The following TRPC7 variants were observed in gnomAD, a reference collection of about 807,000 sequenced individuals.
TRPC7 encodes short transient receptor potential channel 7.
In TRPC7, 42 loss-of-function variants were observed where a neutral mutation model predicts 90.1. That is an observed-to-expected ratio of 0.47 (90% confidence interval 0.36 to 0.60). The LOEUF (loss-of-function observed/expected upper bound fraction) is 0.60, where lower values mean the gene tolerates loss of function less well. TRPC7 is among the 20% of genes least tolerant of loss of function. TRPC7 has a pLI of 0.00. For synonymous variants in TRPC7, 451 were observed against 436.3 expected (o/e 1.03, Z -0.42); for missense variants, 955 against 1,112.3 (o/e 0.86, Z 2.01).
intron 3 of TRPC7, among the ~76,000 whole-genome samples, chr5:136,313,880 G>A (rs1205431074): frequency 6.6e-6 from 1 of 152,088 alleles, no homozygotes; most frequent in East Asian, 1.9e-4. Context: ...GTTCATGGAG[G>A]GCTTCATTTC....
chr5:136,325,287 G>A lies in TRPC7; in HGVS notation c.781-9508C>T, dbSNP rs572070485. On this transcript the variant is annotated intron_variant, in intron 2 of 11. Coordinates refer to ENST00000513104, the MANE Select transcript of TRPC7 (RefSeq NM_020389.3). ...GGAGGACATGCCTGGAGAGAGCTAA[G>A]AGAGCAGAACAGGTATTGTGCCACT... Among the ~76,000 whole-genome samples, 119 of 152,334 alleles carry A rather than the reference G, an allele frequency of 7.8e-4. 1 individual carries two copies. Among genetic ancestry groups the A allele is most frequent in the Non-Finnish European group, 1.4e-3 (93 of 68,030 alleles).
At chr5:136,358,414 T>G (rs1014690253) in intron 1 of TRPC7, among the ~76,000 whole-genome samples, 1 of 152,210 alleles carries the variant, frequency 6.6e-6, no homozygotes, top group Non-Finnish European at 1.5e-5. Flanking sequence ...TATTAACTTG[T>G]GTAATTCTTG....
At chr5:136,237,843 ACTATGGAGC>A (rs1756031430) in intron 7 of TRPC7, among the ~76,000 whole-genome samples, 1 of 152,254 alleles carries the variant, frequency 6.6e-6, no homozygotes, top group Non-Finnish European at 1.5e-5. Context: ...TGGCTGAAAG[ACTATGGAGC>A]CCTGCAATTA....
intron 5 of TRPC7, among the ~76,000 whole-genome samples, chr5:136,254,855 T>G (rs1756642011): frequency 6.6e-6 from 1 of 152,242 alleles, no homozygotes; most frequent in South Asian, 2.1e-4. Context: ...TTCAGAACAT[T>G]AGAGAATCAT....
chr5:136,332,507 G>A (rs1447546539), intron 2 of TRPC7, among the ~76,000 whole-genome samples: 1 of 152,182 alleles, frequency 6.6e-6, no homozygotes, highest in African/African-American at 2.4e-5. Context: ...GCAAAAGCAG[G>A]AAGAGCAATT....
In TRPC7 at chr5:136,280,331, C is replaced by T. The variant is rs139950680; in HGVS notation, c.964-5494G>A. 2.8e-3 allele frequency among the ~76,000 whole-genome samples: 429 copies of T among 152,272 alleles called. 2 individuals carry two copies. Among genetic ancestry groups the T allele is most frequent in the African/African-American group, 9.3e-3 (388 of 41,556 alleles). On this transcript the variant is annotated intron_variant, in intron 3 of 11. Coordinates refer to ENST00000513104, the MANE Select transcript of TRPC7 (RefSeq NM_020389.3). ...GTTGTGGATAGACATACTCTTGTGA[C>T]CACATTTGATCTTTTCTGTTATTTT...
chr5:136,307,416 G>C (rs1223783320), intron 3 of TRPC7, among the ~76,000 whole-genome samples: 1 of 152,104 alleles, frequency 6.6e-6, no homozygotes, highest in Non-Finnish European at 1.5e-5. Context: ...CTGAGGCACT[G>C]GTGCTTTTTT....
chr5:136,286,681 T>G (rs961586396), intron 3 of TRPC7, among the ~76,000 whole-genome samples: 5 of 152,208 alleles, frequency 3.3e-5, no homozygotes, highest in Non-Finnish European at 5.9e-5. Context: ...TTAAAATGAT[T>G]GATTCTTTTC....
intron 5 of TRPC7, among the ~76,000 whole-genome samples, chr5:136,256,618 AGTGGAT>A (rs1417881169): frequency 4.0e-5 from 6 of 151,668 alleles, no homozygotes; most frequent in Non-Finnish European, 7.4e-5. Context: ...ATCCTCCTCT[AGTGGAT>A]GTCAGATCCA....
At chr5:136,230,697 CT>C (rs1274893500) in intron 8 of TRPC7, among the ~76,000 whole-genome samples, 1 of 152,166 alleles carries the variant, frequency 6.6e-6, no homozygotes, top group Non-Finnish European at 1.5e-5. Context: ...TGGTTCATGC[CT>C]TTTAGATTTT....
chr5:136,301,828 G>A lies in TRPC7; in HGVS notation c.963+13769C>T, dbSNP rs540890291. On this transcript the variant is annotated intron_variant, in intron 3 of 11. Transcript: ENST00000513104. The stretch of plus-strand genomic sequence containing the variant: ...TTTGGTGGTCTCTTCACACGGACAC[G>A]CATGAAATTTGGTGCCGTGACTCGG... Among the ~76,000 whole-genome samples, 33 of 152,312 alleles carry A rather than the reference G, an allele frequency of 2.2e-4. No homozygotes were observed. The South Asian group carries it at 4.4e-3, about 20-fold the overall frequency.
chr5:136,290,977 G>A (rs748597111), intron 3 of TRPC7, among the ~76,000 whole-genome samples: 19 of 152,132 alleles, frequency 1.2e-4, no homozygotes, highest in Admixed American at 6.5e-4. Flanking sequence ...AGAGAATGGG[G>A]GCCAATATTC....
At chr5:136,287,034 T>C (rs1757741618) in intron 3 of TRPC7, among the ~76,000 whole-genome samples, 1 of 152,180 alleles carries the variant, frequency 6.6e-6, no homozygotes, top group Non-Finnish European at 1.5e-5. Context: ...GTTCTGTGTC[T>C]TCCTTCCCTT....
chr5:136,269,502 C>T (rs1757137264), intron 4 of TRPC7, among the ~76,000 whole-genome samples: 1 of 152,198 alleles, frequency 6.6e-6, no homozygotes, highest in South Asian at 2.1e-4. Context: ...AGAAATATAG[C>T]CCTGTGGCTG....
intron 2 of TRPC7, among the ~76,000 whole-genome samples, chr5:136,349,243 A>G (rs1443176347): frequency 1.3e-5 from 2 of 152,124 alleles, no homozygotes; most frequent in Non-Finnish European, 2.9e-5. Flanking sequence ...ATTTTTTTCA[A>G]TTGGAAAATA....
intron 5 of TRPC7, 55 bp downstream of exon 5, chr5:136,266,165 A>C: frequency 6.7e-7 from 1 of 1,494,632 alleles, no homozygotes; most frequent in Non-Finnish European, 9.3e-7. Context: ...TCAGAGTTTA[A>C]TAATGTCCTA....
intron 5 of TRPC7, among the ~76,000 whole-genome samples, chr5:136,254,255 A>T (rs1756617995): frequency 6.6e-6 from 1 of 152,244 alleles, no homozygotes; most frequent in Non-Finnish European, 1.5e-5. Context: ...TTTTTGATGT[A>T]GATTAAACAG....
chr5:136,252,019 A>G (rs982058548), intron 5 of TRPC7, 137 bp from the exon 6 acceptor site: 23 of 681,156 alleles, frequency 3.4e-5, no homozygotes, highest in Non-Finnish European at 5.2e-5. Context: ...CCAGAGGCAG[A>G]CAGAAACGTG....
rs1424256012 is a variant in TRPC7, at chr5:136,356,813, C to T, written c.575G>A (p.Arg192Gln). Residue 192 changes from arginine (R) to glutamine (Q), a missense_variant, in exon 2 of 12, where the codon CGG becomes CAG. Coordinates refer to ENST00000513104, the MANE Select transcript of TRPC7 (RefSeq NM_020389.3). ...ILLLKGARIE[R>Q]PHDYFCKCNE... ...GCACTTGCAGAAGTAGTCGTGGGGC[C>T]GCTCGATGCGGGCGCCCTTGAGCAG... 1.2e-6 allele frequency: 2 copies of T among 1,613,276 alleles called. No homozygotes were observed. The highest frequency in any genetic ancestry group is 1.1e-5 in the South Asian group (1 of 91,052).
Sources: allele counts gnomAD v4.1 joint callset (sites outside exome capture counted in the v4.1 genomes callset), GRCh38; gene constraint gnomAD v4.1.1; transcripts MANE v1.5; gene names NCBI Gene and HGNC (gene_info 2026-07-23, HGNC 2026-07-21).